OR7C1: variants seen among roughly 807,000 people sequenced by gnomAD.
OR7C1 encodes olfactory receptor family 7 subfamily C member 1.
For missense variants in OR7C1, 324 were observed against 383.3 expected (o/e 0.85, Z 1.29); for synonymous variants, 152 against 160.7 (o/e 0.95, Z 0.41).
Position 14,800,203 on chromosome 19 carries a change from G to A in OR7C1, c.-14+53C>T. ...CAATTATCAACACACTGGCAACATGGAAATTTGGTTACATTTAATTTTAAG... is the reference window on the plus strand; with the variant it reads ...CAATTATCAACACACTGGCAACATGAAAATTTGGTTACATTTAATTTTAAG... On this transcript the variant is annotated intron_variant, in intron 4 of 4. Coordinates refer to ENST00000641666, the Ensembl canonical transcript of OR7C1. 2.1e-6 allele frequency: 3 copies of A among 1,458,308 alleles called. No homozygotes were observed. In the South Asian group the frequency reaches 4.5e-5, roughly 22 times the overall value. The allele number at this position is 1,458,308 out of a possible 1,614,324, so 90.3% of individuals were successfully genotyped here.
At chr19:14,835,179 A>T (rs2044872687) in exon 1 of OR7C1, 1 of 152,250 alleles carries the variant, frequency 6.6e-6, no homozygotes, top group Non-Finnish European at 1.5e-5. Context: ...AGGCAGCAGG[A>T]AAGAGTCAAG....
At chr19:14,807,609 T>C (rs2044671629) in intron 2 of OR7C1, among the ~76,000 whole-genome samples, 1 of 151,978 alleles carries the variant, frequency 6.6e-6, no homozygotes, top group Admixed American at 6.5e-5. Flanking sequence ...CACAGAGTGA[T>C]CATGGTGACC....
In OR7C1 at chr19:14,830,372, A is replaced by G. The variant is rs552701036; in HGVS notation, c.-623+4702T>C. Among the ~76,000 whole-genome samples, 3 of 152,322 alleles carry G rather than the reference A, an allele frequency of 2.0e-5. No homozygotes were observed. In the East Asian group the frequency reaches 5.8e-4, roughly 29 times the overall value. ...ACAGACCCCAGTAAGGAAAAAGTCT[A>G]ATAAACTCAGGTAATCCCTCAGCAA... On this transcript the variant is annotated intron_variant, in intron 1 of 4. Coordinates refer to ENST00000641666, the Ensembl canonical transcript of OR7C1.
chr19:14,822,939 A>G (rs1458155097), intron 1 of OR7C1, among the ~76,000 whole-genome samples: 1 of 151,668 alleles, frequency 6.6e-6, no homozygotes, highest in East Asian at 1.9e-4. Context: ...GTGGTTTGCA[A>G]ATGTTTTCTC....
At chr19:14,822,373 CTTTTTTTTTTTTTT>C (rs1162241411) in intron 1 of OR7C1, among the ~76,000 whole-genome samples, 15 of 67,694 alleles carry the variant, frequency 2.2e-4, no homozygotes, top group Non-Finnish European at 3.4e-4. Context: ...TATCTCCTGT[CTTTTTTTTTTTTTT>C]TTTTTTTTTT....
intron 2 of OR7C1, among the ~76,000 whole-genome samples, chr19:14,807,039 A>T (rs1004192478): frequency 3.3e-5 from 5 of 152,020 alleles, no homozygotes; most frequent in African/African-American, 1.2e-4. Context: ...CAGTCTTGCC[A>T]GCATCTGTTA....
chr19:14,811,883 G>A (rs1016799209), intron 1 of OR7C1, among the ~76,000 whole-genome samples: 25 of 151,968 alleles, frequency 1.6e-4, no homozygotes, highest in Non-Finnish European at 3.4e-4. Flanking sequence ...CTCACCTGCT[G>A]CTCACCTCCT....
At position 14,819,067 on chromosome 19, in the gene OR7C1, C is replaced by T. The variant is rs147501486; in HGVS notation, c.-622-9074G>A. Among the ~76,000 whole-genome samples the T allele has an allele frequency of 2.0e-3, 310 of 151,888 alleles. 2 individuals are homozygous for T. Among genetic ancestry groups the T allele is most frequent in the Non-Finnish European group, 3.8e-3 (256 of 67,952 alleles). ...CCTCCCCCTGCCCCATAACAGTCCC[C>T]GGTGTGTGATATTCCCCTTCCTGTG... is the stretch of plus-strand genomic sequence containing the variant. On this transcript the variant is annotated intron_variant, in intron 1 of 4. Coordinates refer to ENST00000641666, the Ensembl canonical transcript of OR7C1.
intron 2 of OR7C1, among the ~76,000 whole-genome samples, chr19:14,803,715 A>T (rs918233665): frequency 2.7e-5 from 4 of 147,172 alleles, no homozygotes; most frequent in African/African-American, 5.0e-5. Flanking sequence ...AATAATAATA[A>T]TTTTTTTTTT....
intron 1 of OR7C1, among the ~76,000 whole-genome samples, chr19:14,830,554 C>T (rs2044821597): frequency 6.6e-6 from 1 of 152,070 alleles, no homozygotes; most frequent in South Asian, 2.1e-4. Context: ...TCCTCGATGC[C>T]TGGCAAAATA....
chr19:14,808,587 T>C (rs576105119), intron 2 of OR7C1, among the ~76,000 whole-genome samples: 2 of 128,148 alleles, frequency 1.6e-5, no homozygotes, highest in South Asian at 2.3e-4. Context: ...TGGGCATAGA[T>C]AATGGAATAA....
At chr19:14,821,369 A>T (rs1301281773) in intron 1 of OR7C1, 2 of 152,268 alleles carry the variant, frequency 1.3e-5, no homozygotes, top group Non-Finnish European at 2.9e-5. Context: ...AATTCTGCTC[A>T]GGGTATGGGC....
chr19:14,809,024 T>C (rs1489219031), intron 2 of OR7C1, among the ~76,000 whole-genome samples: 1 of 152,076 alleles, frequency 6.6e-6, no homozygotes, highest in Non-Finnish European at 1.5e-5. Context: ...AGTAGGTTTC[T>C]TGAAATTCTT....
At chr19:14,828,512 G>A (rs2044797573) in intron 1 of OR7C1, among the ~76,000 whole-genome samples, 1 of 152,058 alleles carries the variant, frequency 6.6e-6, no homozygotes, top group African/African-American at 2.4e-5. Context: ...TGTAACCCCA[G>A]CACTTTGGGA....
At chr19:14,828,758 C>CAAAAAAAAAAAAAA (rs58983718) in intron 1 of OR7C1, among the ~76,000 whole-genome samples, 1 of 35,152 alleles carries the variant, frequency 2.8e-5, no homozygotes, top group African/African-American at 1.1e-4. Flanking sequence ...GACTCCATCT[C>CAAAAAAAAAAAAAA]AAAAAAAAAA....
chr19:14,827,470 C>T (rs572102214), intron 1 of OR7C1: 1 of 1,614,074 alleles, frequency 6.2e-7, no homozygotes, highest in East Asian at 2.2e-5. Flanking sequence ...CTAAGGTACA[C>T]CCCTAGGATT....
chr19:14,831,860 C>T (rs66799760), intron 1 of OR7C1, among the ~76,000 whole-genome samples: 29,273 of 151,990 alleles, frequency 0.19, 3,473 homozygotes, highest in African/African-American at 0.33. Flanking sequence ...GACCATATTA[C>T]ATATTAAATT....
At chr19:14,800,020 G>A (rs755603828) in exon 5 of OR7C1, 1 of 1,614,138 alleles carries the variant, frequency 6.2e-7, no homozygotes, top group Admixed American at 1.7e-5. Context: ...GGTTCCCGGT[G>A]AAAGTGACTA....
intron 1 of OR7C1, among the ~76,000 whole-genome samples, chr19:14,814,031 G>C (rs562216254): frequency 9.2e-5 from 14 of 151,998 alleles, no homozygotes; most frequent in Non-Finnish European, 1.5e-4. Flanking sequence ...CACTCAAAAT[G>C]GATTAAAGAC....
Sources: gnomAD v4.1 joint callset for allele counts (sites outside exome capture counted in the v4.1 genomes callset) on GRCh38, gnomAD v4.1.1 for gene constraint, MANE v1.5 for transcripts, NCBI Gene and HGNC (gene_info 2026-07-23, HGNC 2026-07-21) for gene names.